WWOX: variants seen among roughly 807,000 people sequenced by gnomAD.
The protein encoded by WWOX is WW domain containing oxidoreductase.
Under a neutral mutation model 46.2 loss-of-function variants are expected in WWOX, and 69 were observed. That is an observed-to-expected ratio of 1.49 (90% confidence interval 1.23 to 1.82). The LOEUF (loss-of-function observed/expected upper bound fraction) is 1.82. Ranked by LOEUF, WWOX falls within the 40% of genes most tolerant of loss-of-function variation. The probability of loss-of-function intolerance (pLI) is 0.00; values close to 1 mark genes in which losing one functional copy is unlikely to be tolerated. For missense variants in WWOX, 919 were observed against 542.6 expected, an observed-to-expected ratio of 1.69 and a Z score of -6.89; for synonymous variants, 359 against 202.6, an observed-to-expected ratio of 1.77 and a Z score of -6.56.
intron 5 of WWOX, among the ~76,000 whole-genome samples, chr16:78,261,785 T>G (rs1367399982): frequency 2.4e-5 from 1 of 42,278 alleles, no homozygotes; most frequent in Non-Finnish European, 4.2e-5. Context: ...TCTATCTATC[T>G]ATCTATATAT....
intron 5 of WWOX, among the ~76,000 whole-genome samples, chr16:78,370,248 C>G (rs1008436179): frequency 6.6e-6 from 1 of 151,476 alleles, no homozygotes; most frequent in Admixed American, 6.6e-5. Flanking sequence ...GTTAGCTAAT[C>G]TCTGCTTCAG....
At chr16:78,897,013 A>G (rs1597120583) in intron 8 of WWOX, 1 of 151,688 alleles carries the variant, frequency 6.6e-6, no homozygotes, top group Admixed American at 6.6e-5. Context: ...GGACCACTTG[A>G]GGCCAGGAGT....
chr16:78,818,091 T>C (rs953109222), intron 8 of WWOX, among the ~76,000 whole-genome samples: 2 of 152,204 alleles, frequency 1.3e-5, no homozygotes. Flanking sequence ...TAATCCCTAT[T>C]GGGCTAATGT....
intron 8 of WWOX, among the ~76,000 whole-genome samples, chr16:78,787,952 A>G (rs1037124304): frequency 2.6e-5 from 4 of 152,152 alleles, no homozygotes; most frequent in Non-Finnish European, 5.9e-5. Context: ...TTAAAATAGA[A>G]ATGTTGATTC....
At chr16:78,798,396 C>T (rs953135132) in intron 8 of WWOX, among the ~76,000 whole-genome samples, 6 of 152,002 alleles carry the variant, frequency 3.9e-5, no homozygotes, top group East Asian at 1.9e-4. Context: ...AGGATGTCAT[C>T]GACAAATGAA....
intron 8 of WWOX, among the ~76,000 whole-genome samples, chr16:78,685,230 C>T (rs527728854): frequency 3.3e-5 from 5 of 152,134 alleles, no homozygotes; most frequent in African/African-American, 1.2e-4. Context: ...GGAGTATTCC[C>T]TAATGGTAGA....
At chr16:78,437,108 A>T (rs1470280727) in intron 8 of WWOX, among the ~76,000 whole-genome samples, 2 of 152,182 alleles carry the variant, frequency 1.3e-5, no homozygotes. Flanking sequence ...CTGTTGCATG[A>T]GGTCAGGGGA....
intron 8 of WWOX, among the ~76,000 whole-genome samples, chr16:79,073,825 A>G (rs1475534913): frequency 6.6e-6 from 1 of 152,154 alleles, no homozygotes; most frequent in Non-Finnish European, 1.5e-5. Flanking sequence ...ACCTTTAGAA[A>G]AGTTCGTAAC....
chr16:78,177,590 G>A (rs1012037261), intron 5 of WWOX, among the ~76,000 whole-genome samples: 1 of 152,202 alleles, frequency 6.6e-6, no homozygotes, highest in African/African-American at 2.4e-5. Flanking sequence ...GGAGATGTCA[G>A]GCTTGGGTGT....
At position 78,878,901 on chromosome 16, in the gene WWOX, G is replaced by GAAAA. The variant is rs111647544; in HGVS notation, c.1057-332691_1057-332688dup. ...CAAAATACTATCTCTACAAAAAAAT[G>GAAAA]AAAAAAAAAAAAAAAAAAAGCCTGT... On this transcript the variant is annotated intron_variant, in intron 8 of 8. Transcript: ENST00000566780. Among the ~76,000 whole-genome samples the GAAAA allele has an allele frequency of 1.9e-3, 163 of 86,898 alleles. 2 individuals are homozygous for GAAAA. The highest frequency in any genetic ancestry group is 0.016 in the Middle Eastern group (2 of 122). The allele number at this position is 86,898 out of a possible 152,430, so 57.0% of individuals were successfully genotyped here. A position where few individuals can be genotyped will look rare whatever the true frequency, so the allele number is the denominator to read the frequency against.
chr16:78,978,973 C>G (rs1407630976), intron 8 of WWOX, among the ~76,000 whole-genome samples: 1 of 152,112 alleles, frequency 6.6e-6, no homozygotes, highest in African/African-American at 2.4e-5. Context: ...TCCCCTACAC[C>G]TTGAAGCAGG....
intron 5 of WWOX, among the ~76,000 whole-genome samples, chr16:78,223,330 A>T (rs1182824982): frequency 6.6e-6 from 1 of 152,186 alleles, no homozygotes; most frequent in Non-Finnish European, 1.5e-5. Flanking sequence ...CCTACAACAG[A>T]GAATTGTCTG....
intron 8 of WWOX, among the ~76,000 whole-genome samples, chr16:78,792,931 C>G (rs557694339): frequency 1.3e-5 from 2 of 152,174 alleles, no homozygotes; most frequent in South Asian, 2.1e-4. Flanking sequence ...CAGACCCAAA[C>G]CTTGATAACC....
intron 5 of WWOX, among the ~76,000 whole-genome samples, chr16:78,330,143 A>C (rs2080721244): frequency 6.6e-6 from 1 of 152,296 alleles, no homozygotes; most frequent in African/African-American, 2.4e-5. Context: ...AAACGTTTGA[A>C]AACATTCCTT....
chr16:79,124,506 C>A (rs1438346793), intron 8 of WWOX, among the ~76,000 whole-genome samples: 1 of 152,172 alleles, frequency 6.6e-6, no homozygotes, highest in Non-Finnish European at 1.5e-5. Flanking sequence ...TCTGACCTGT[C>A]ACGTTAGGAC....
rs75012306 is a variant in WWOX, at chr16:78,758,046, G to A, written c.1056+325294G>A. On this transcript the variant is annotated intron_variant, in intron 8 of 8. Coordinates refer to ENST00000566780, the MANE Select transcript of WWOX (RefSeq NM_016373.4). ...GTCAATCTTTCCCCACCTTCACAAT[G>A]TGCCCCTATTATTATTAATATTTAA... 2.3e-3 allele frequency among the ~76,000 whole-genome samples: 356 copies of A among 152,004 alleles called. 2 individuals are homozygous for A. Among genetic ancestry groups the A allele is most frequent in the African/African-American group, 8.1e-3 (334 of 41,444 alleles).
rs895856225 is a variant in WWOX, at chr16:78,877,468, C to T, written c.1057-334140C>T. Among the ~76,000 whole-genome samples, 3 of 152,204 alleles carry T rather than the reference C, an allele frequency of 2.0e-5. No homozygotes were observed. In the South Asian group the frequency reaches 6.2e-4, roughly 31 times the overall value. Reference sequence around the variant, plus strand: ...CTGTTCTTCTCCAAAAGGCTTTGCTCAACTGACACTTTCTCAGTGAAGCTG... The same window carrying T: ...CTGTTCTTCTCCAAAAGGCTTTGCTTAACTGACACTTTCTCAGTGAAGCTG... On this transcript the variant is annotated intron_variant, in intron 8 of 8. Transcript: ENST00000566780.
intron 8 of WWOX, among the ~76,000 whole-genome samples, chr16:79,119,569 G>C (rs1258342305): frequency 6.6e-6 from 1 of 152,160 alleles, no homozygotes; most frequent in Non-Finnish European, 1.5e-5. Context: ...GTTTTACATT[G>C]AGAATCTCAT....
intron 6 of WWOX, among the ~76,000 whole-genome samples, chr16:78,418,235 G>A (rs1054805609): frequency 1.3e-5 from 2 of 151,952 alleles, no homozygotes; most frequent in African/African-American, 2.4e-5. Context: ...GTGGTGGCGG[G>A]CACCTGTAGG....
Sources: allele counts gnomAD v4.1 joint callset (sites outside exome capture counted in the v4.1 genomes callset), GRCh38; gene constraint gnomAD v4.1.1; transcripts MANE v1.5; gene names NCBI Gene and HGNC (gene_info 2026-07-23, HGNC 2026-07-21).